ZNF608: variants seen among roughly 807,000 people sequenced by gnomAD.
The protein encoded by ZNF608 is renal carcinoma antigen NY-REN-36.
Under a neutral mutation model 109.0 loss-of-function variants are expected in ZNF608, and 12 were observed. The ratio of observed to expected loss-of-function variants is 0.11; its 90% CI spans 0.07 to 0.18. The LOEUF is 0.18. Ranked by LOEUF, ZNF608 falls within the 10% of genes least tolerant of loss-of-function variation. The probability of loss-of-function intolerance (pLI) is 1.00; values close to 1 mark genes in which losing one functional copy is unlikely to be tolerated. For missense variants in ZNF608, 1,707 were observed against 1,879.3 expected, an observed-to-expected ratio of 0.91 and a Z score of 1.70; for synonymous variants, 732 against 717.4, an observed-to-expected ratio of 1.02 and a Z score of -0.33.
intron 3 of ZNF608, among the ~76,000 whole-genome samples, chr5:124,691,157 C>T (rs908753120): frequency 2.6e-5 from 4 of 152,138 alleles, no homozygotes; most frequent in African/African-American, 9.7e-5. Context: ...GTAGGCCCAT[C>T]CCAGCTACCT....
chr5:124,638,790 T>A, intron 9 of ZNF608: 1 of 1,058,922 alleles, frequency 9.4e-7, no homozygotes, highest in Non-Finnish European at 1.2e-6. Context: ...ACCTTTAGCA[T>A]TATGAAAATA....
At position 124,649,265 on chromosome 5, in the gene ZNF608, C is replaced by G; in HGVS notation, c.1251-132G>C. On this transcript the variant is annotated intron_variant, in intron 4 of 9. Coordinates refer to ENST00000513986, the MANE Select transcript of ZNF608 (RefSeq NM_020747.3). ...GGGCTGGGCCCAGTCAAGGAAAAGA[C>G]TGACAATTTCCAACACCTGCAAAAG... 8.2e-6 allele frequency: 6 copies of G among 729,632 alleles called. 1 individual carries two copies. The South Asian group carries it at 1.6e-4, about 19-fold the overall frequency. 45.2% of individuals were successfully genotyped at this position (729,632 alleles called of 1,614,324 possible).
Position 124,744,026 on chromosome 5 carries a change from A to ACGCACACAGAGGCACACCCCCACACT in ZNF608, c.906+57_906+58insAGTGTGGGGGTGTGCCTCTGTGTGCG. The ACGCACACAGAGGCACACCCCCACACT allele has an allele frequency of 6.5e-7, 1 of 1,529,052 alleles. No individual in the cohort carries two copies. The highest frequency in any genetic ancestry group is 2.1e-5 in the Admixed American group (1 of 48,346). 94.7% of individuals were successfully genotyped at this position (1,529,052 alleles called of 1,614,324 possible). ...GGCACACAGAGGCACACCCCCACACACCCACACAAATGCACACAGAGGAGA... is the reference window on the plus strand; with the variant it reads ...GGCACACAGAGGCACACCCCCACACACGCACACAGAGGCACACCCCCACACTCCCACACAAATGCACACAGAGGAGA... On this transcript the variant is annotated intron_variant, in intron 2 of 9. Coordinates refer to ENST00000513986, the MANE Select transcript of ZNF608 (RefSeq NM_020747.3). This position sits in a 1 kb window ranked among gnomAD's most constrained non-coding sequence, Gnocchi z 4.5.
Position 124,637,109 on chromosome 5 carries a change from T to C in ZNF608, c.*791A>G, listed in dbSNP as rs1474480705. The C allele has an allele frequency of 1.5e-5, 2 of 136,064 alleles. No individual in the cohort carries two copies. Among genetic ancestry groups the C allele is most frequent in the Non-Finnish European group, 3.2e-5 (2 of 62,742 alleles). The allele number at this position is 136,064 out of a possible 1,614,324, so 8.4% of individuals were successfully genotyped here. On this transcript the variant is annotated 3_prime_UTR_variant, in exon 10 of 10. Transcript: ENST00000513986. ...GTAAACATTAAAAAAAAAAAAAGACTGTAGAACTATTCAAGTAATAGAACA... is the reference window on the plus strand; with the variant it reads ...GTAAACATTAAAAAAAAAAAAAGACCGTAGAACTATTCAAGTAATAGAACA...
At chr5:124,738,765 C>T (rs1749253628) in intron 2 of ZNF608, among the ~76,000 whole-genome samples, 2 of 152,306 alleles carry the variant, frequency 1.3e-5, no homozygotes, top group South Asian at 4.1e-4. Context: ...ACCCACTTTT[C>T]ACTTTATTAA....
Position 124,675,633 on chromosome 5 carries a change from T to C in ZNF608, c.1162+25381A>G, listed in dbSNP as rs140936795. On this transcript the variant is annotated intron_variant, in intron 3 of 9. Transcript: ENST00000513986. ...TAAAGAGTTTAATGACTTGTTTAAA[T>C]GACTCTTGTCCCTGTCAGGATTCAT... is the stretch of plus-strand genomic sequence containing the variant. Among the ~76,000 whole-genome samples, 1,032 of 152,360 alleles carry C rather than the reference T, an allele frequency of 6.8e-3. 5 individuals are homozygous for C. The highest frequency in any genetic ancestry group is 9.7e-3 in the Non-Finnish European group (662 of 68,022).
Position 124,641,355 on chromosome 5 carries a change from C to A in ZNF608, c.4347G>T (p.Arg1449Ser), listed in dbSNP as rs1159324261. 3 of 1,613,910 alleles carry A rather than the reference C, an allele frequency of 1.9e-6. No homozygotes were observed. In the African/African-American group the frequency reaches 4.0e-5, roughly 22 times the overall value. The change falls in exon 8 of 10, where the codon AGG becomes AGT. Residue 1449 changes from arginine to serine, a missense_variant. By Grantham distance (110) the Arg-to-Ser change is moderately radical. Around this residue, in one of 7 missense-constraint regions of ZNF608, gnomAD observed 1,073 missense variants for 1,133.5 expected, o/e 0.95. Transcript: ENST00000513986. The stretch of plus-strand genomic sequence containing the variant: ...GCTGGCCGAAGGGGGAGTGGCGATC[C>A]CTTTCCCTTTCTGCCTCCCGTTCCC... ...AEREREAERE[R>S]DRHSPFGQRH...
At chr5:124,725,149 G>C (rs1248119190) in intron 2 of ZNF608, among the ~76,000 whole-genome samples, 1 of 151,856 alleles carries the variant, frequency 6.6e-6, no homozygotes, top group South Asian at 2.1e-4. Flanking sequence ...CTCCACAAGG[G>C]GGCCAAATGG....
intron 3 of ZNF608, among the ~76,000 whole-genome samples, chr5:124,663,005 GGGCAGGAAAAT>G (rs1561544867): frequency 6.6e-6 from 1 of 152,184 alleles, no homozygotes; most frequent in Non-Finnish European, 1.5e-5. Flanking sequence ...TTAGTATATA[GGGCAGGAAAAT>G]GCCTGATGGA....
At chr5:124,640,791 G>T (rs1461454925) in intron 8 of ZNF608, among the ~76,000 whole-genome samples, 2 of 152,094 alleles carry the variant, frequency 1.3e-5, no homozygotes, top group Non-Finnish European at 2.9e-5. Flanking sequence ...AAGAACCCTC[G>T]AATGAGGTTA....
intron 2 of ZNF608, among the ~76,000 whole-genome samples, chr5:124,703,108 T>C (rs1425900246): frequency 6.6e-6 from 1 of 152,164 alleles, no homozygotes; most frequent in Non-Finnish European, 1.5e-5. Context: ...TTGCATGCTT[T>C]CCAGCTTCTT....
At chr5:124,722,576 T>TACACACACAC (rs10556672) in intron 2 of ZNF608, among the ~76,000 whole-genome samples, 2 of 145,082 alleles carry the variant, frequency 1.4e-5, no homozygotes, top group African/African-American at 2.5e-5. Context: ...ACCCTTAAAA[T>TACACACACAC]ACACACACAC....
chr5:124,710,397 A>G (rs1478749774), intron 2 of ZNF608: 4 of 367,810 alleles, frequency 1.1e-5, no homozygotes, highest in Non-Finnish European at 2.1e-5. Context: ...CATGCTGGTC[A>G]TAACAAATTA....
At chr5:124,661,010 T>G (rs560661911) in intron 3 of ZNF608, among the ~76,000 whole-genome samples, 19 of 152,326 alleles carry the variant, frequency 1.2e-4, no homozygotes, top group African/African-American at 4.6e-4. Flanking sequence ...TCTTTTAGAA[T>G]CTTAAGGGCT....
chr5:124,700,998 A>C lies in ZNF608; in HGVS notation c.1162+16T>G. 2 of 1,612,278 alleles carry C rather than the reference A, an allele frequency of 1.2e-6. No homozygotes were observed. The highest frequency in any genetic ancestry group is 3.3e-5 in the Admixed American group (2 of 59,924). On this transcript the variant is annotated intron_variant, in intron 3 of 9. Coordinates refer to ENST00000513986, the MANE Select transcript of ZNF608 (RefSeq NM_020747.3). Reference sequence around the variant, plus strand: ...AAGAGGGCATCGGGAAATATATAAAAATAAATTGTATTTACCTTCTTCTGT... The same window carrying C: ...AAGAGGGCATCGGGAAATATATAAACATAAATTGTATTTACCTTCTTCTGT...
In ZNF608 at chr5:124,647,845, T is replaced by C; in HGVS notation, c.2539A>G (p.Lys847Glu). The change falls in exon 5 of 10, where the codon AAA becomes GAA. Residue 847 changes from lysine (K) to glutamate (E), a missense_variant. Physicochemically the swap from Lys to Glu is moderately conservative, Grantham distance 56. This residue lies in a region of ZNF608 where 1,073 missense variants were observed against 1,133.5 expected (regional missense o/e 0.95). Coordinates refer to ENST00000513986, the MANE Select transcript of ZNF608 (RefSeq NM_020747.3). The part of the protein sequence containing the change: ...GKLEDSKGAS[K>E]DLPGHFLKDH... ...TTTAAAAAATGCCCAGGTAAATCTT[T>C]GCTGGCCCCCTTGGAGTCCTCTAGT... 1 of 1,614,238 alleles carries C rather than the reference T, an allele frequency of 6.2e-7. No homozygotes were observed.
At position 124,647,913 on chromosome 5, in the gene ZNF608, C is replaced by T. The variant is rs1277150651; in HGVS notation, c.2471G>A (p.Gly824Glu). ...KEKRKLKDKE[G>E]KETGSPKMDA... ...CATTTTTGGGCTTCCCGTCTCTTTC[C>T]CTTCTTTGTCCTTTAGCTTTCGCTT... Residue 824 changes from glycine (G) to glutamate (E), a missense_variant, in exon 5 of 10, where the codon GGG becomes GAG. By Grantham distance (98) the Gly-to-Glu change is moderately conservative. Around this residue, in one of 7 missense-constraint regions of ZNF608, gnomAD observed 1,073 missense variants for 1,133.5 expected, o/e 0.95. Transcript: ENST00000513986. 1 of 1,614,058 alleles carries T rather than the reference C, an allele frequency of 6.2e-7. No individual in the cohort carries two copies. The highest frequency in any genetic ancestry group is 1.3e-5 in the African/African-American group (1 of 74,912).
At chr5:124,701,580 G>A (rs146387797) in intron 2 of ZNF608, among the ~76,000 whole-genome samples, 165 of 152,206 alleles carry the variant, frequency 1.1e-3, no homozygotes, top group Non-Finnish European at 2.0e-3. Context: ...AACATGTTTT[G>A]CAAAATTAAG....
chr5:124,744,688 G>T lies in ZNF608; in HGVS notation c.302C>A (p.Thr101Asn). ...SAPQGNSHKE[T>N]SKSKVKRSKT... is the part of the protein sequence containing the mutation. ...ACTCCTTTTCACTTTTGATTTGCTGGTCTCTTTGTGTGAATTCCCCTGGGG... is the reference window on the plus strand; with the variant it reads ...ACTCCTTTTCACTTTTGATTTGCTGTTCTCTTTGTGTGAATTCCCCTGGGG... The change falls in exon 2 of 10, where the codon ACC becomes AAC. Residue 101 changes from threonine to asparagine, a missense_variant. This residue lies in a region of ZNF608 where 407 missense variants were observed against 398.7 expected (regional missense o/e 1.02). Transcript: ENST00000513986. This position sits in a 1 kb window ranked among gnomAD's most constrained non-coding sequence, Gnocchi z 4.5. The T allele has an allele frequency of 6.2e-7, 1 of 1,614,162 alleles. No homozygotes were observed. The highest frequency in any genetic ancestry group is 2.2e-5 in the East Asian group (1 of 44,872).
Sources: gnomAD v4.1 joint callset for allele counts (sites outside exome capture counted in the v4.1 genomes callset) on GRCh38, gnomAD v4.1.1 for gene constraint, gnomAD v4.1.1 regional missense constraint, Gnocchi (gnomAD v3.1) non-coding constraint, MANE v1.5 for transcripts, NCBI Gene and HGNC (gene_info 2026-07-23, HGNC 2026-07-21) for gene names.